The following DNMBP variants were observed in gnomAD, a reference collection of about 807,000 sequenced individuals.
The protein encoded by DNMBP is dynamin binding protein.
DNMBP carries 87 observed loss-of-function variants against 150.0 expected under a neutral mutation model. The ratio of observed to expected loss-of-function variants is 0.58; its 90% CI spans 0.49 to 0.69. The LOEUF (loss-of-function observed/expected upper bound fraction) is 0.69. DNMBP is among the 30% of genes least tolerant of loss of function. DNMBP has a pLI of 0.00. For missense variants in DNMBP, 1,774 were observed against 1,949.0 expected, an observed-to-expected ratio of 0.91 and a Z score of 1.69; for synonymous variants, 711 against 750.4, an observed-to-expected ratio of 0.95 and a Z score of 0.86.
chr10:99,964,654 T>G (rs559789933), intron 3 of DNMBP, among the ~76,000 whole-genome samples: 44 of 151,774 alleles, frequency 2.9e-4, no homozygotes, highest in African/African-American at 7.5e-4. Flanking sequence ...GCGGATTGCT[T>G]GAAGTCAGGA....
intron 4 of DNMBP, among the ~76,000 whole-genome samples, chr10:99,914,567 G>T (rs539806198): frequency 6.6e-6 from 1 of 152,086 alleles, no homozygotes; most frequent in African/African-American, 2.4e-5. Context: ...GATTTCAGCT[G>T]GGTAGTCCCA....
rs756160928 is a variant in DNMBP, at chr10:99,894,947, C to T, written c.3155G>A (p.Arg1052Gln). 38 of 1,609,606 alleles carry T rather than the reference C, an allele frequency of 2.4e-5. No homozygotes were observed. Among genetic ancestry groups the T allele is most frequent in the Admixed American group, 6.7e-5 (4 of 59,904 alleles). The change falls in exon 11 of 17, where the codon CGG (arginine) becomes CAG (glutamine). Residue 1052 changes from arginine (R) to glutamine (Q), a missense_variant and splice_region_variant. Coordinates refer to ENST00000324109, the MANE Select transcript of DNMBP (RefSeq NM_015221.4). The part of the protein sequence containing the change: ...RDLSLYLQHI[R>Q]ESACVKVVAA... ...AACTACAGTGATGTTGATGCTCACC[C>T]GGATGTGCTGGAGGTAGAGAGACAG...
At chr10:99,929,877 T>C (rs1361748688) in intron 4 of DNMBP, 5 of 702,890 alleles carry the variant, frequency 7.1e-6, no homozygotes, top group Non-Finnish European at 1.3e-5. Context: ...AGTGCCATTA[T>C]ACTCCAAATT....
intron 1 of DNMBP, among the ~76,000 whole-genome samples, chr10:100,004,016 G>T (rs993266406): frequency 6.6e-6 from 1 of 151,538 alleles, no homozygotes; most frequent in Non-Finnish European, 1.5e-5. Flanking sequence ...AAGATTGCTG[G>T]AGCCCGGGAG....
At chr10:99,883,982 T>C in intron 15 of DNMBP, 29 bp downstream of exon 15, 1 of 1,602,212 alleles carries the variant, frequency 6.2e-7, no homozygotes, top group Non-Finnish European at 8.5e-7. Flanking sequence ...TTTTTCCAGT[T>C]ACAGTCCTCT....
chr10:100,003,253 A>G (rs1262825097), intron 1 of DNMBP, among the ~76,000 whole-genome samples: 1 of 152,246 alleles, frequency 6.6e-6, no homozygotes, highest in Admixed American at 6.5e-5. Flanking sequence ...AGGCTGAGGC[A>G]GGAGAATTGC....
intron 1 of DNMBP, among the ~76,000 whole-genome samples, chr10:99,983,644 C>A (rs1387734054): frequency 6.6e-6 from 1 of 152,210 alleles, no homozygotes; most frequent in Admixed American, 6.5e-5. Flanking sequence ...ACCCTGCGTG[C>A]CCCCAGGACC....
intron 4 of DNMBP, chr10:99,930,914 A>G: frequency 1.8e-6 from 1 of 542,684 alleles, no homozygotes; most frequent in Non-Finnish European, 3.2e-6. Context: ...CTCTAGTCGG[A>G]GCGCAGTGAG....
At chr10:99,910,648 G>A (rs1052933720) in intron 4 of DNMBP, among the ~76,000 whole-genome samples, 1 of 152,210 alleles carries the variant, frequency 6.6e-6, no homozygotes, top group Non-Finnish European at 1.5e-5. Flanking sequence ...CTAATTCCAG[G>A]GCTGGGGCAG....
chr10:99,890,016 C>T (rs559451161), intron 11 of DNMBP, among the ~76,000 whole-genome samples: 7 of 152,314 alleles, frequency 4.6e-5, no homozygotes, highest in Admixed American at 2.6e-4. Context: ...AGCAAAGTCC[C>T]TAAGCAAAAC....
chr10:99,910,698 G>A (rs988312850), intron 4 of DNMBP, among the ~76,000 whole-genome samples: 1 of 152,224 alleles, frequency 6.6e-6, no homozygotes, highest in African/African-American at 2.4e-5. Flanking sequence ...AGAAAGTGAA[G>A]AAGTACTCAA....
At chr10:99,947,030 A>G (rs2040364956) in intron 4 of DNMBP, among the ~76,000 whole-genome samples, 1 of 152,230 alleles carries the variant, frequency 6.6e-6, no homozygotes, top group Non-Finnish European at 1.5e-5. Flanking sequence ...AAACCATCTT[A>G]CACCAGTCAG....
intron 1 of DNMBP, among the ~76,000 whole-genome samples, chr10:99,992,508 G>C (rs559300606): frequency 6.6e-6 from 1 of 151,052 alleles, no homozygotes; most frequent in African/African-American, 2.4e-5. Flanking sequence ...GAGGCAGGTA[G>C]ATTGCCTGAA....
At chr10:100,002,684 T>C (rs948870366) in intron 1 of DNMBP, among the ~76,000 whole-genome samples, 1 of 152,058 alleles carries the variant, frequency 6.6e-6, no homozygotes, top group Non-Finnish European at 1.5e-5. Flanking sequence ...TTTCCACAAA[T>C]TATATATGTA....
At chr10:99,910,094 G>A (rs2039881828) in intron 4 of DNMBP, among the ~76,000 whole-genome samples, 1 of 152,242 alleles carries the variant, frequency 6.6e-6, no homozygotes, top group African/African-American at 2.4e-5. Flanking sequence ...AATTTGGTAT[G>A]TAAATATACT....
At chr10:99,927,902 TAATAC>T (rs1324137167) in intron 4 of DNMBP, among the ~76,000 whole-genome samples, 13 of 152,166 alleles carry the variant, frequency 8.5e-5, no homozygotes, top group African/African-American at 3.1e-4. Flanking sequence ...TTGGGAGGCT[TAATAC>T]AATAAGGAAC....
chr10:99,877,819 G>A (rs1050157546), intron 16 of DNMBP, among the ~76,000 whole-genome samples: 5 of 152,118 alleles, frequency 3.3e-5, no homozygotes, highest in South Asian at 2.1e-4. Context: ...AGCCAAGATC[G>A]CGCCACTGGA....
intron 6 of DNMBP, among the ~76,000 whole-genome samples, chr10:99,907,781 T>C (rs923610818): frequency 1.3e-5 from 2 of 152,194 alleles, no homozygotes; most frequent in African/African-American, 2.4e-5. Context: ...CATTGTACTG[T>C]ATGACATCCA....
intron 6 of DNMBP, among the ~76,000 whole-genome samples, chr10:99,906,975 G>A (rs2039833905): frequency 6.6e-6 from 1 of 152,194 alleles, no homozygotes; most frequent in Admixed American, 6.5e-5. Context: ...CCACATAAAT[G>A]TATTTTAAAT....
Sources: allele counts gnomAD v4.1 joint callset (sites outside exome capture counted in the v4.1 genomes callset), GRCh38; gene constraint gnomAD v4.1.1; transcripts MANE v1.5; gene names NCBI Gene and HGNC (gene_info 2026-07-23, HGNC 2026-07-21).